The following RPS6KA2 variants were observed in gnomAD, a reference collection of about 807,000 sequenced individuals.
The protein encoded by RPS6KA2 is ribosomal protein S6 kinase alpha-2.
Under a neutral mutation model 91.8 loss-of-function variants are expected in RPS6KA2, and 42 were observed. The observed-to-expected ratio is 0.46, with a 90% CI of 0.36 to 0.59. RPS6KA2 has a LOEUF of 0.59. RPS6KA2 is among the 20% of genes least tolerant of loss of function. The pLI is 0.00. For missense variants in RPS6KA2, 798 were observed against 978.5 expected (o/e 0.82, Z 2.46); for synonymous variants, 414 against 393.6 (o/e 1.05, Z -0.61).
chr6:166,659,011 C>G (rs1440253219), intron 2 of RPS6KA2, among the ~76,000 whole-genome samples: 1 of 152,140 alleles, frequency 6.6e-6, no homozygotes, highest in Non-Finnish European at 1.5e-5. Context: ...ATACATGCTT[C>G]TCCGGTAAAC....
rs75807187 is a variant in RPS6KA2, at chr6:166,783,310, G to C, written c.123+74890C>G. On this transcript the variant is annotated intron_variant, in intron 2 of 21. Coordinates refer to the RPS6KA2 transcript ENST00000503859. The stretch of plus-strand genomic sequence containing the variant: ...CTTCGTAATGTGAGTGGGCCTCGTC[G>C]AATCAGTTGAAGGCCTTAAGGGAAA... Among the ~76,000 whole-genome samples the C allele has an allele frequency of 3.1e-4, 47 of 151,964 alleles. No homozygotes were observed. In the East Asian group the frequency reaches 7.8e-3, roughly 25 times the overall value.
intron 20 of RPS6KA2, 141 bp downstream of exon 20, chr6:166,413,653 G>A: frequency 1.3e-6 from 1 of 772,556 alleles, no homozygotes; most frequent in Non-Finnish European, 2.0e-6. Context: ...CACGAAGGTA[G>A]GTGGGCCGGC....
At position 166,450,063 on chromosome 6, in the gene RPS6KA2, GTAGGAGA is replaced by G. The variant is rs1562501178; in HGVS notation, c.1206+1033_1206+1039del. Among the ~76,000 whole-genome samples the G allele has an allele frequency of 2.4e-3, 179 of 75,630 alleles. No individual in the cohort carries two copies. In the Middle Eastern group the frequency reaches 0.035, roughly 15 times the overall value. 49.6% of individuals were successfully genotyped at this position (75,630 alleles called of 152,430 possible). A position where few individuals can be genotyped will look rare whatever the true frequency, so the allele number is the denominator to read the frequency against. ...CATGGGAACCACCACAGGGACCACC[GTAGGAGA>G]CCATCATGGGTACCACCGGGGAACC... On this transcript the variant is annotated intron_variant, in intron 13 of 20. Transcript: ENST00000265678.
At chr6:166,675,382 C>T (rs1204646931) in intron 2 of RPS6KA2, among the ~76,000 whole-genome samples, 1 of 152,200 alleles carries the variant, frequency 6.6e-6, no homozygotes, top group African/African-American at 2.4e-5. Flanking sequence ...ATCTCTCAGC[C>T]CTGGTCCTGC....
intron 2 of RPS6KA2, among the ~76,000 whole-genome samples, chr6:166,759,345 A>G (rs138826085): frequency 3.9e-5 from 6 of 152,326 alleles, no homozygotes; most frequent in Middle Eastern, 3.4e-3. Context: ...TCTAAGCAGA[A>G]CGGTCACACT....
At chr6:166,572,417 C>T (rs549965625) in intron 1 of RPS6KA2, among the ~76,000 whole-genome samples, 55 of 152,368 alleles carry the variant, frequency 3.6e-4, no homozygotes, top group African/African-American at 1.3e-3. Flanking sequence ...AGGAAGGTGG[C>T]TGGTGGCCTC....
chr6:166,468,180 G>T (rs1378289052), intron 11 of RPS6KA2, among the ~76,000 whole-genome samples: 1 of 152,246 alleles, frequency 6.6e-6, no homozygotes, highest in Non-Finnish European at 1.5e-5. Context: ...CCATCTGTGA[G>T]GTGAGCACAG....
At chr6:166,550,814 A>T (rs987355276) in intron 1 of RPS6KA2, among the ~76,000 whole-genome samples, 2 of 152,018 alleles carry the variant, frequency 1.3e-5, no homozygotes, top group East Asian at 1.9e-4. Flanking sequence ...CATCCTGGCT[A>T]ACACGGTGAA....
intron 2 of RPS6KA2, among the ~76,000 whole-genome samples, chr6:166,755,741 C>T (rs1327528846): frequency 6.6e-6 from 1 of 152,110 alleles, no homozygotes; most frequent in Non-Finnish European, 1.5e-5. Flanking sequence ...GGACGTAAGA[C>T]GGGGTGTCGG....
rs886871259 is a variant in RPS6KA2 at position 166,411,674 on chromosome 6, C to G, written c.*1088G>C. ...AAGCCACAGCATCTACAAAGTGCATCGCTCCTGTCCACGCTGATCTCCGCT... is the reference window on the plus strand; with the variant it reads ...AAGCCACAGCATCTACAAAGTGCATGGCTCCTGTCCACGCTGATCTCCGCT... On this transcript the variant is annotated 3_prime_UTR_variant, in exon 21 of 21. Coordinates refer to ENST00000265678, the MANE Select transcript of RPS6KA2 (RefSeq NM_021135.6). This position sits in a 1 kb window ranked among gnomAD's most constrained non-coding sequence, Gnocchi z 4.5. 2.0e-5 allele frequency: 3 copies of G among 152,942 alleles called. No individual in the cohort carries two copies. Among genetic ancestry groups the G allele is most frequent in the African/African-American group, 7.2e-5 (3 of 41,450 alleles). 9.5% of individuals were successfully genotyped at this position (152,942 alleles called of 1,614,324 possible). A position where few individuals can be genotyped will look rare whatever the true frequency, so the allele number is the denominator to read the frequency against.
chr6:166,536,712 C>T (rs1783491775), intron 2 of RPS6KA2, among the ~76,000 whole-genome samples: 1 of 152,182 alleles, frequency 6.6e-6, no homozygotes, highest in East Asian at 1.9e-4. Context: ...TGGAGCTGGC[C>T]CATTCCGTAA....
At chr6:166,593,522 T>C (rs1022405735) in intron 1 of RPS6KA2, among the ~76,000 whole-genome samples, 2 of 152,160 alleles carry the variant, frequency 1.3e-5, no homozygotes, top group African/African-American at 2.4e-5. Flanking sequence ...AATCTCAGAA[T>C]GGTATCGATT....
chr6:166,851,147 G>C (rs545818318), intron 2 of RPS6KA2, among the ~76,000 whole-genome samples: 4 of 152,226 alleles, frequency 2.6e-5, no homozygotes, highest in African/African-American at 9.6e-5. Flanking sequence ...CCAGGGCTGA[G>C]GGAGGGTGCA....
intron 3 of RPS6KA2, among the ~76,000 whole-genome samples, chr6:166,527,932 T>A (rs1783126037): frequency 6.6e-6 from 1 of 152,220 alleles, no homozygotes; most frequent in Non-Finnish European, 1.5e-5. Flanking sequence ...ATAGACACTT[T>A]ATTTTTCCAT....
At chr6:166,598,835 T>G (rs893612944) in intron 1 of RPS6KA2, among the ~76,000 whole-genome samples, 1 of 152,254 alleles carries the variant, frequency 6.6e-6, no homozygotes, top group Non-Finnish European at 1.5e-5. Context: ...CCTTCTTTCC[T>G]GCCTCCATCC....
chr6:166,450,027 A>AT (rs1243771990), intron 13 of RPS6KA2, among the ~76,000 whole-genome samples: 22 of 150,322 alleles, frequency 1.5e-4, no homozygotes, highest in East Asian at 4.0e-4. Context: ...AGGGACCACC[A>AT]CAGGAGCCAC....
At chr6:166,558,463 A>G (rs949036197) in intron 1 of RPS6KA2, among the ~76,000 whole-genome samples, 3 of 152,234 alleles carry the variant, frequency 2.0e-5, no homozygotes, top group Non-Finnish European at 4.4e-5. Flanking sequence ...CCTCACAGAC[A>G]TACCCAGAAT....
At chr6:166,700,918 A>T (rs2128575789) in intron 2 of RPS6KA2, among the ~76,000 whole-genome samples, 1 of 152,318 alleles carries the variant, frequency 6.6e-6, no homozygotes, top group Non-Finnish European at 1.5e-5. Context: ...TTCAGAGAGC[A>T]TAAAGTACAC....
intron 2 of RPS6KA2, among the ~76,000 whole-genome samples, chr6:166,792,219 T>A (rs997792682): frequency 6.6e-6 from 1 of 152,154 alleles, no homozygotes; most frequent in East Asian, 1.9e-4. Flanking sequence ...GAGAATATTA[T>A]AAACACCTCT....
Sources: allele counts gnomAD v4.1 joint callset (sites outside exome capture counted in the v4.1 genomes callset), GRCh38; gene constraint gnomAD v4.1.1; non-coding constraint Gnocchi (gnomAD v3.1); transcripts MANE v1.5; gene names NCBI Gene and HGNC (gene_info 2026-07-23, HGNC 2026-07-21).